Variants in GLMN observed in about 807,000 individuals in gnomAD.
GLMN encodes glomulin, FKBP associated protein.
Under a neutral mutation model 87.8 loss-of-function variants are expected in GLMN, and 75 were observed. The observed-to-expected ratio is 0.85, with a 90% confidence interval of 0.71 to 1.04. GLMN has a LOEUF of 1.04. Ranked by LOEUF, GLMN falls within the 50% of genes least tolerant of loss-of-function variation. The probability of loss-of-function intolerance (pLI) is 0.00; values close to 1 mark genes in which losing one functional copy is unlikely to be tolerated. For missense variants in GLMN, 588 were observed against 658.8 expected (o/e 0.89, Z 1.18); for synonymous variants, 206 against 221.6 (o/e 0.93, Z 0.63).
chr1:92,364,448 C>T, the GLMN span, among the ~76,000 whole-genome samples: 1 of 152,212 alleles, frequency 6.6e-6, no homozygotes, highest in African/African-American at 2.4e-5. Flanking sequence ...TGTTTCTCCC[C>T]CCAAAATGGT....
chr1:92,311,255 C>G, the GLMN span, among the ~76,000 whole-genome samples: 3 of 152,256 alleles, frequency 2.0e-5, no homozygotes, highest in East Asian at 5.8e-4. Flanking sequence ...CATTCAACTT[C>G]CGAGTTCCCT....
At chr1:92,252,124 C>T (rs1438921796) in intron 16 of GLMN, among the ~76,000 whole-genome samples, 1 of 152,162 alleles carries the variant, frequency 6.6e-6, no homozygotes, top group Non-Finnish European at 1.5e-5. Flanking sequence ...AATTAAGCTT[C>T]ACTAATTCTC....
At chr1:92,361,062 A>C in the GLMN span, among the ~76,000 whole-genome samples, 1 of 150,602 alleles carries the variant, frequency 6.6e-6, no homozygotes, top group South Asian at 2.1e-4. Context: ...CATGTAATTT[A>C]CCAAAAGCAA....
the GLMN span, among the ~76,000 whole-genome samples, chr1:92,332,335 T>TA: frequency 6.6e-6 from 1 of 152,110 alleles, no homozygotes; most frequent in Admixed American, 6.5e-5. Flanking sequence ...AGTTTCCAAT[T>TA]ATCTGTCAAA....
Position 92,288,898 on chromosome 1 carries a change from T to C in GLMN, c.632+16A>G. On this transcript the variant is annotated intron_variant, in intron 6 of 18. Transcript: ENST00000370360. Reference sequence around the variant, plus strand: ...TACTTAAGTCCACTGTGAGATGTTCTTAAAATTATACTTACAATTTCAGTA... The same window carrying C: ...TACTTAAGTCCACTGTGAGATGTTCCTAAAATTATACTTACAATTTCAGTA... 1 of 1,268,790 alleles carries C rather than the reference T, an allele frequency of 7.9e-7. No individual in the cohort carries two copies. The highest frequency in any genetic ancestry group is 1.2e-5 in the South Asian group (1 of 83,908). 78.6% of individuals were successfully genotyped at this position (1,268,790 alleles called of 1,614,324 possible). A position where few individuals can be genotyped will look rare whatever the true frequency, so the allele number is the denominator to read the frequency against.
the GLMN span, among the ~76,000 whole-genome samples, chr1:92,338,648 A>ATT: frequency 4.9e-3 from 702 of 142,682 alleles, 5 homozygotes; most frequent in Middle Eastern, 7.2e-3. Flanking sequence ...CTGATCATTG[A>ATT]TTTTTTTTTT....
At chr1:92,355,345 G>C in the GLMN span, among the ~76,000 whole-genome samples, 3 of 152,110 alleles carry the variant, frequency 2.0e-5, no homozygotes, top group African/African-American at 7.2e-5. Context: ...CAGTATGAGG[G>C]ATTGGAGTAA....
At chr1:92,260,765 G>GGA (rs1553136625) in intron 16 of GLMN, among the ~76,000 whole-genome samples, 60 of 100,064 alleles carry the variant, frequency 6.0e-4, no homozygotes, top group African/African-American at 1.9e-3. Context: ...CTTTGAGATG[G>GGA]AAAAAAAAAA....
At chr1:92,264,299 G>A (rs529696546) in intron 14 of GLMN, among the ~76,000 whole-genome samples, 116 of 152,080 alleles carry the variant, frequency 7.6e-4, no homozygotes, top group African/African-American at 2.5e-3. Context: ...GGTGACAGGC[G>A]TGAAACCCTG....
chr1:92,283,850 T>C (rs1241833125), intron 7 of GLMN, among the ~76,000 whole-genome samples: 1 of 152,166 alleles, frequency 6.6e-6, no homozygotes, highest in Non-Finnish European at 1.5e-5. Context: ...AGCCAAATCA[T>C]GAGTGAATTC....
intron 3 of GLMN, among the ~76,000 whole-genome samples, chr1:92,293,929 G>C (rs1169541922): frequency 6.6e-6 from 1 of 151,542 alleles, no homozygotes; most frequent in Non-Finnish European, 1.5e-5. Flanking sequence ...CGGACGTAGA[G>C]AGTAGGAGGA....
Position 92,266,756 on chromosome 1 carries a change from A to G in GLMN, c.1099-15T>C. The G allele has an allele frequency of 6.3e-7, 1 of 1,580,274 alleles. No homozygotes were observed. Among genetic ancestry groups the G allele is most frequent in the Non-Finnish European group, 8.7e-7 (1 of 1,150,802 alleles). On this transcript the variant is annotated splice_polypyrimidine_tract_variant and intron_variant, in intron 11 of 18. Transcript: ENST00000370360. ...TTCACTAAGCCCTGGAAATAAAAAA[A>G]TGTAAAATTCAGATGTAAACAGATT...
In GLMN at chr1:92,289,792, GC is replaced by G. The variant is rs139135073; in HGVS notation, c.394+405del. Among the ~76,000 whole-genome samples the G allele has an allele frequency of 4.4e-3, 668 of 152,184 alleles. 3 individuals are homozygous for G. Among genetic ancestry groups the G allele is most frequent in the African/African-American group, 0.015 (642 of 41,512 alleles). On this transcript the variant is annotated intron_variant, in intron 5 of 18. Coordinates refer to ENST00000370360, the MANE Select transcript of GLMN (RefSeq NM_053274.3). ...GCTATGCCCAATCCAACCTCCCAAA[GC>G]AGAGGCTGAGCAATGCCTTGCCTGA...
the GLMN span, among the ~76,000 whole-genome samples, chr1:92,333,763 A>T: frequency 6.6e-6 from 1 of 152,192 alleles, no homozygotes; most frequent in African/African-American, 2.4e-5. Context: ...TCAGGGAAAA[A>T]ATATCAAAGC....
At chr1:92,344,723 A>G in the GLMN span, among the ~76,000 whole-genome samples, 2 of 152,020 alleles carry the variant, frequency 1.3e-5, no homozygotes, top group Non-Finnish European at 2.9e-5. Flanking sequence ...TAAAGGCACT[A>G]TTTCTTCCCA....
chr1:92,284,993 G>A (rs1485049775), intron 7 of GLMN, among the ~76,000 whole-genome samples: 3 of 152,138 alleles, frequency 2.0e-5, no homozygotes, highest in Non-Finnish European at 4.4e-5. Context: ...TGGAGAAATA[G>A]GAACGCTTTT....
intron 17 of GLMN, 83 bp from the exon 18 acceptor site, chr1:92,247,227 T>A (rs1319600921): frequency 2.1e-5 from 16 of 776,850 alleles, no homozygotes; most frequent in Admixed American, 8.6e-5. Context: ...TTCACTAACT[T>A]AAAACATGTC....
chr1:92,310,726 A>C, the GLMN span, among the ~76,000 whole-genome samples: 3 of 152,100 alleles, frequency 2.0e-5, no homozygotes, highest in Non-Finnish European at 4.4e-5. Flanking sequence ...ACAAAACCCT[A>C]TCTCTACTAA....
At chr1:92,259,797 T>A (rs535020840) in intron 16 of GLMN, among the ~76,000 whole-genome samples, 274 of 142,078 alleles carry the variant, frequency 1.9e-3, no homozygotes, top group African/African-American at 6.7e-3. Context: ...TGCAGTGGCA[T>A]GATCTCGGCT....
Sources: allele counts gnomAD v4.1 joint callset (sites outside exome capture counted in the v4.1 genomes callset), GRCh38; gene constraint gnomAD v4.1.1; transcripts MANE v1.5; gene names NCBI Gene and HGNC (gene_info 2026-07-23, HGNC 2026-07-21).